The following KDM6A variants were observed in gnomAD, a reference collection of about 807,000 sequenced individuals.
KDM6A encodes the protein lysine demethylase 6A.
KDM6A carries 11 observed loss-of-function variants against 117.6 expected under a neutral mutation model. The observed-to-expected ratio is 0.09, with a 90% CI of 0.06 to 0.15. The LOEUF is 0.15. Ranked by LOEUF, KDM6A falls within the 10% of genes least tolerant of loss-of-function variation. The pLI, the probability that KDM6A is intolerant of heterozygous loss-of-function variation, is 1.00. For missense variants in KDM6A, 799 were observed against 1,077.3 expected (o/e 0.74, Z 3.62); for synonymous variants, 384 against 396.1 (o/e 0.97, Z 0.36).
intron 2 of KDM6A, among the ~76,000 whole-genome samples, chrX:44,913,124 C>G (rs753782321): frequency 1.8e-5 from 2 of 111,654 alleles, no homozygotes; most frequent in African/African-American, 6.5e-5. Flanking sequence ...CTTTCTGCTC[C>G]TCCTCCTCTT....
chrX:44,962,743 A>G lies in KDM6A; in HGVS notation c.334+1351A>G, dbSNP rs995915359. 8.0e-5 allele frequency among the ~76,000 whole-genome samples: 9 copies of G among 112,125 alleles called. 1 individual carries two copies. The highest frequency in any genetic ancestry group is 4.2e-3 in the Middle Eastern group (1 of 239). ...TGCACTGTAAGTGTGCAGTAGCATTATGTCTAAAAAATGTACATACTTTAG... is the reference window on the plus strand; with the variant it reads ...TGCACTGTAAGTGTGCAGTAGCATTGTGTCTAAAAAATGTACATACTTTAG... On this transcript the variant is annotated intron_variant, in intron 3 of 29. Coordinates refer to ENST00000611820, the MANE Select transcript of KDM6A (RefSeq NM_001291415.2).
chrX:44,949,776 C>T (rs1036275105), intron 2 of KDM6A, among the ~76,000 whole-genome samples: 3 of 111,622 alleles, frequency 2.7e-5, no homozygotes, highest in Non-Finnish European at 5.6e-5. Context: ...CATATTTAAC[C>T]AGGGTACAGC....
intron 5 of KDM6A, among the ~76,000 whole-genome samples, chrX:45,016,005 C>T (rs770096398): frequency 9.0e-6 from 1 of 111,495 alleles, no homozygotes; most frequent in Non-Finnish European, 1.9e-5. Context: ...GTGAATAATC[C>T]AGGGTATGAC....
At chrX:45,049,987 T>C (rs185426147) in intron 8 of KDM6A, among the ~76,000 whole-genome samples, 3 of 113,025 alleles carry the variant, frequency 2.7e-5, no homozygotes, top group East Asian at 5.5e-4. Flanking sequence ...ATTAACTTTT[T>C]TTAGACCAGA....
intron 2 of KDM6A, among the ~76,000 whole-genome samples, chrX:44,930,052 C>T (rs2036539567): frequency 9.0e-6 from 1 of 111,479 alleles, no homozygotes; most frequent in African/African-American, 3.3e-5. Flanking sequence ...ATTTGCATTA[C>T]CCCTTGATGA....
At chrX:45,037,499 A>G (rs1182489670) in intron 7 of KDM6A, among the ~76,000 whole-genome samples, 156 bp from the exon 8 acceptor site, 1 of 112,326 alleles carries the variant, frequency 8.9e-6, no homozygotes. Flanking sequence ...TGTATATTCT[A>G]TTTTAGTAAA....
intron 2 of KDM6A, among the ~76,000 whole-genome samples, chrX:44,940,054 T>C (rs1270782067): frequency 4.5e-5 from 5 of 111,614 alleles, no homozygotes; most frequent in African/African-American, 1.6e-4. Flanking sequence ...ATTACTGATG[T>C]CAACAAACTT....
Position 44,873,493 on chromosome X carries a change from T to C in KDM6A, c.-59T>C. 1 of 1,203,328 alleles carries C rather than the reference T, an allele frequency of 8.3e-7. No homozygotes were observed. Among genetic ancestry groups the C allele is most frequent in the Non-Finnish European group, 1.1e-6 (1 of 890,726 alleles). On this transcript the variant is annotated 5_prime_UTR_variant, in exon 1 of 30. Transcript: ENST00000611820. ...CCCGCGCGCAGATTGGGGGCGTCAC[T>C]GCGGGCCCCGGTCCGAGGGGGGGTG...
chrX:44,943,612 C>G (rs2037461981), intron 2 of KDM6A, among the ~76,000 whole-genome samples: 1 of 112,176 alleles, frequency 8.9e-6, no homozygotes, highest in Non-Finnish European at 1.9e-5. Flanking sequence ...CCATGTGTTA[C>G]GTCAGTAGTT....
intron 2 of KDM6A, among the ~76,000 whole-genome samples, chrX:44,924,815 A>G (rs2036210552): frequency 9.0e-6 from 1 of 110,539 alleles, no homozygotes; most frequent in African/African-American, 3.3e-5. Context: ...TGGCCTCCCA[A>G]ATAGCTGGGA....
At chrX:44,914,017 A>G (rs1027852610) in intron 2 of KDM6A, among the ~76,000 whole-genome samples, 1 of 112,195 alleles carries the variant, frequency 8.9e-6, no homozygotes, top group African/African-American at 3.2e-5. Flanking sequence ...TGGACACAGC[A>G]GTAGGATCGA....
At chrX:44,878,251 A>AC (rs2031887050) in intron 2 of KDM6A, among the ~76,000 whole-genome samples, 1 of 111,268 alleles carries the variant, frequency 9.0e-6, no homozygotes, top group Non-Finnish European at 1.9e-5. Context: ...TCATGTTGGT[A>AC]CCCAAAAAGT....
In KDM6A at chrX:44,899,861, T is replaced by C. The variant is rs761555213; in HGVS notation, c.225+25874T>C. Among the ~76,000 whole-genome samples the C allele has an allele frequency of 2.7e-5, 3 of 111,787 alleles. No homozygotes were observed. The South Asian group carries it at 1.1e-3, about 41-fold the overall frequency. The stretch of plus-strand genomic sequence containing the variant: ...ATTATGAAAGTTTTGTCTAAAGATA[T>C]TATGTCGTGAACAAAATAAGTCAAA... On this transcript the variant is annotated intron_variant, in intron 2 of 29. Coordinates refer to ENST00000611820, the MANE Select transcript of KDM6A (RefSeq NM_001291415.2).
intron 2 of KDM6A, among the ~76,000 whole-genome samples, chrX:44,948,490 A>G (rs2037795456): frequency 8.9e-6 from 1 of 111,979 alleles, no homozygotes; most frequent in South Asian, 3.7e-4. Flanking sequence ...GAAAAATGCA[A>G]TTAGGTGCTT....
chrX:44,991,415 C>T (rs1467250591), intron 4 of KDM6A, among the ~76,000 whole-genome samples: 1 of 109,813 alleles, frequency 9.1e-6, no homozygotes, highest in Non-Finnish European at 1.9e-5. Flanking sequence ...GTCCAGACCA[C>T]TATCTAGTTC....
rs990799623 is a variant in KDM6A, at chrX:45,112,278, AAG to A, written c.*869_*870del. On this transcript the variant is annotated 3_prime_UTR_variant, in exon 30 of 30. Coordinates refer to ENST00000611820, the MANE Select transcript of KDM6A (RefSeq NM_001291415.2). The stretch of plus-strand genomic sequence containing the variant: ...GTTTTCTATTGTTTGAGTTTTAAAA[AAG>A]ACTTTATGTACAGTGCCCAGTTTTT... 7.1e-6 allele frequency: 1 copy of A among 140,223 alleles called. No individual in the cohort carries two copies. The highest frequency in any genetic ancestry group is 3.2e-5 in the African/African-American group (1 of 31,732). The allele number at this position is 140,223 out of a possible 1,213,427, so 11.6% of individuals were successfully genotyped here. A position where few individuals can be genotyped will look rare whatever the true frequency, so the allele number is the denominator to read the frequency against.
chrX:45,013,151 TAGTC>T (rs1462777575), intron 5 of KDM6A, among the ~76,000 whole-genome samples: 3 of 111,523 alleles, frequency 2.7e-5, no homozygotes, highest in African/African-American at 3.3e-5. Context: ...GTGTGTGTGT[TAGTC>T]AGTATTACAT....
intron 2 of KDM6A, among the ~76,000 whole-genome samples, chrX:44,900,789 C>T (rs1010691893): frequency 2.0e-4 from 22 of 111,249 alleles, no homozygotes; most frequent in Non-Finnish European, 3.6e-4. Flanking sequence ...CCCAGCTACT[C>T]GGGCGGCTGA....
Position 45,061,342 on chromosome X carries a change from A to C in KDM6A, c.1504A>C (p.Ser502Arg). 4.3e-6 allele frequency: 5 copies of C among 1,171,780 alleles called. No individual in the cohort carries two copies. Among genetic ancestry groups the C allele is most frequent in the Non-Finnish European group, 5.8e-6 (5 of 861,329 alleles). Residue 502 changes from serine to arginine, a missense_variant, in exon 15 of 30, where the codon AGT becomes CGT. Coordinates refer to ENST00000611820, the MANE Select transcript of KDM6A (RefSeq NM_001291415.2). ...TCCTCAGAATACTTCTGACAATTGG[A>C]GTGGTGGACATGCTGTGTCACATCC... ...SPTKNTSDNW[S>R]GGHAVSHPPV...
Sources: gnomAD v4.1 joint callset for allele counts (sites outside exome capture counted in the v4.1 genomes callset) on GRCh38, gnomAD v4.1.1 for gene constraint, MANE v1.5 for transcripts, NCBI Gene and HGNC (gene_info 2026-07-23, HGNC 2026-07-21) for gene names.